CNTN1: variants seen among roughly 807,000 people sequenced by gnomAD.
CNTN1 encodes contactin 1, also known as contactin-1.
In CNTN1, 38 loss-of-function variants were observed where a neutral mutation model predicts 126.4. The observed-to-expected ratio is 0.30, with a 90% confidence interval of 0.23 to 0.39. The LOEUF (loss-of-function observed/expected upper bound fraction) is 0.39. Among genes scored for constraint, CNTN1 ranks in the 10% least tolerant of loss-of-function variants. The pLI is 1.00. For missense variants in CNTN1, 1,009 were observed against 1,248.4 expected (o/e 0.81, Z 2.89); for synonymous variants, 413 against 422.6 (o/e 0.98, Z 0.28).
At chr12:40,924,829 C>T (rs1477575471) in intron 6 of CNTN1, among the ~76,000 whole-genome samples, 177 bp downstream of exon 6, 3 of 143,740 alleles carry the variant, frequency 2.1e-5, no homozygotes, top group Non-Finnish European at 3.0e-5. Flanking sequence ...TCTTTCTTGG[C>T]TCAGTCACCT....
intron 16 of CNTN1, among the ~76,000 whole-genome samples, chr12:40,988,864 C>T (rs1279517054): frequency 6.6e-6 from 1 of 152,170 alleles, no homozygotes; most frequent in East Asian, 1.9e-4. Flanking sequence ...AGGCATTATA[C>T]TGTTAAGATC....
At chr12:41,034,279 A>G (rs563779770) in intron 23 of CNTN1, among the ~76,000 whole-genome samples, 1 of 152,296 alleles carries the variant, frequency 6.6e-6, no homozygotes, top group African/African-American at 2.4e-5. Context: ...TGTTAACTCC[A>G]AGATATTAAG....
chr12:40,712,938 T>A lies in CNTN1; in HGVS notation c.-77+20346T>A, dbSNP rs565085034. 1.1e-3 allele frequency among the ~76,000 whole-genome samples: 162 copies of A among 152,154 alleles called. 1 individual carries two copies. The Middle Eastern group carries it at 0.017, about 16-fold the overall frequency. On this transcript the variant is annotated intron_variant, in intron 1 of 23. Transcript: ENST00000551295. The stretch of plus-strand genomic sequence containing the variant: ...TCATCCTGCAGGTAATCGGGGGATG[T>A]GAGTTATTTCTTAATTCCCATGAGA...
At chr12:40,713,609 A>G (rs1565634504) in intron 1 of CNTN1, among the ~76,000 whole-genome samples, 1 of 152,058 alleles carries the variant, frequency 6.6e-6, no homozygotes, top group Non-Finnish European at 1.5e-5. Context: ...CACCATAAAA[A>G]ACATTTGACT....
chr12:40,896,523 T>C (rs1363909076), intron 1 of CNTN1, among the ~76,000 whole-genome samples: 1 of 152,192 alleles, frequency 6.6e-6, no homozygotes, highest in Non-Finnish European at 1.5e-5. Flanking sequence ...CTTTTGATAA[T>C]ATAAACATCT....
In CNTN1 at chr12:40,942,856, G is replaced by T. The variant is rs535103499; in HGVS notation, c.1380-741G>T. Among the ~76,000 whole-genome samples the T allele has an allele frequency of 2.0e-5, 3 of 152,178 alleles. No homozygotes were observed. In the South Asian group the frequency reaches 6.2e-4, roughly 32 times the overall value. ...TTATATGAAGATTTTTATCAGTAAG[G>T]TAGATAGTTTTGCTTCTTTTATCAG... On this transcript the variant is annotated intron_variant, in intron 12 of 23. Coordinates refer to ENST00000551295, the MANE Select transcript of CNTN1 (RefSeq NM_001843.4).
intron 22 of CNTN1, 144 bp from the exon 23 acceptor site, chr12:41,028,919 G>A: frequency 2.4e-6 from 2 of 819,400 alleles, no homozygotes; most frequent in South Asian, 3.3e-5. Context: ...TTTTCATCTA[G>A]TTTTAAATTT....
intron 1 of CNTN1, among the ~76,000 whole-genome samples, chr12:40,888,592 TAAAGA>T (rs1371418765): frequency 6.6e-6 from 1 of 151,880 alleles, no homozygotes; most frequent in African/African-American, 2.4e-5. Context: ...GATTACAACG[TAAAGA>T]AATGTGATTA....
In CNTN1 at chr12:40,922,330, A is replaced by T; in HGVS notation, c.302A>T (p.Asn101Ile). The T allele has an allele frequency of 6.2e-7, 1 of 1,614,090 alleles. No individual in the cohort carries two copies. Among genetic ancestry groups the T allele is most frequent in the Non-Finnish European group, 8.5e-7 (1 of 1,179,954 alleles). ...YSMVGGNLVI[N>I]NPDKQKDAGI... is the part of the protein sequence containing the mutation. ...ATGGTAGGAGGAAACCTTGTTATCA[A>T]CAACCCTGACAAACAGAAAGATGCT... Residue 101 changes from asparagine to isoleucine, a missense_variant, in exon 5 of 24, where the codon AAC becomes ATC. Transcript: ENST00000551295.
At chr12:40,814,387 C>T (rs1302200355) in intron 1 of CNTN1, among the ~76,000 whole-genome samples, 3 of 152,088 alleles carry the variant, frequency 2.0e-5, no homozygotes, top group African/African-American at 2.4e-5. Context: ...GACGTAAGGA[C>T]GGAGTCCAGT....
chr12:41,015,720 TA>T (rs58676163), intron 18 of CNTN1, among the ~76,000 whole-genome samples: 4,471 of 135,564 alleles, frequency 0.033, 170 homozygotes, highest in African/African-American at 0.1. Flanking sequence ...GATTTTCTGG[TA>T]AAAAAAAAAA....
intron 1 of CNTN1, among the ~76,000 whole-genome samples, chr12:40,806,108 T>C (rs1287762948): frequency 1.3e-5 from 2 of 152,132 alleles, no homozygotes; most frequent in Admixed American, 1.3e-4. Flanking sequence ...CTAGGTTATA[T>C]CGGAGTGCAA....
chr12:41,008,015 C>T (rs374314920), intron 17 of CNTN1, among the ~76,000 whole-genome samples: 2 of 152,168 alleles, frequency 1.3e-5, no homozygotes, highest in Non-Finnish European at 2.9e-5. Context: ...ACTTCTATAT[C>T]GTTCCCCCCT....
At chr12:41,040,094 C>G (rs1453947563) in intron 23 of CNTN1, among the ~76,000 whole-genome samples, 3 of 152,010 alleles carry the variant, frequency 2.0e-5, no homozygotes, top group Non-Finnish European at 2.9e-5. Context: ...TCACACAGAC[C>G]CTATAATGTC....
chr12:40,999,306 A>C (rs1053373587), intron 17 of CNTN1, among the ~76,000 whole-genome samples: 49 of 152,330 alleles, frequency 3.2e-4, no homozygotes, highest in Admixed American at 2.9e-3. Context: ...GTTATTAATA[A>C]ATGATTAATA....
At position 40,984,715 on chromosome 12, in the gene CNTN1, G is replaced by A. The variant is rs180842254; in HGVS notation, c.1963+3648G>A. Among the ~76,000 whole-genome samples, 4 of 152,202 alleles carry A rather than the reference G, an allele frequency of 2.6e-5. No individual in the cohort carries two copies. The East Asian group carries it at 7.7e-4, about 29-fold the overall frequency. ...TAGAGTGGACAAATATACCAACTAT[G>A]TATCACCATCTGATATGATTTCTTT... is the stretch of plus-strand genomic sequence containing the variant. On this transcript the variant is annotated intron_variant, in intron 16 of 23. Transcript: ENST00000551295.
chr12:40,693,317 C>A (rs1941351987), intron 1 of CNTN1, among the ~76,000 whole-genome samples: 1 of 152,186 alleles, frequency 6.6e-6, no homozygotes, highest in Admixed American at 6.5e-5. Context: ...ACCTTCACAC[C>A]TAGTTTCTGA....
intron 14 of CNTN1, among the ~76,000 whole-genome samples, chr12:40,949,620 C>A (rs1487421123): frequency 2.2e-5 from 3 of 135,066 alleles, no homozygotes; most frequent in Admixed American, 1.6e-4. Context: ...CTCTTGTTGC[C>A]CAGGCTGGAG....
rs574318436 is a variant in CNTN1 at position 40,802,722 on chromosome 12, G to A, written c.-76-105635G>A. Among the ~76,000 whole-genome samples the A allele has an allele frequency of 2.6e-5, 4 of 152,112 alleles. No individual in the cohort carries two copies. In the East Asian group the frequency reaches 7.7e-4, roughly 29 times the overall value. ...CAAAAAAAGCAGTGGCATGGTGAAAGACTCTATGGTGAAGATTTCCCAGAC... is the reference window on the plus strand; with the variant it reads ...CAAAAAAAGCAGTGGCATGGTGAAAAACTCTATGGTGAAGATTTCCCAGAC... On this transcript the variant is annotated intron_variant, in intron 1 of 23. Transcript: ENST00000551295.
Sources: gnomAD v4.1 joint callset for allele counts (sites outside exome capture counted in the v4.1 genomes callset) on GRCh38, gnomAD v4.1.1 for gene constraint, MANE v1.5 for transcripts, NCBI Gene and HGNC (gene_info 2026-07-23, HGNC 2026-07-21) for gene names.